The following SPECC1 variants were observed in gnomAD, a reference collection of about 807,000 sequenced individuals.
The protein encoded by SPECC1 is cytospin-B.
A neutral mutation model predicts 104.1 loss-of-function variants in SPECC1; 62 were observed. The ratio of observed to expected loss-of-function variants is 0.60; its 90% confidence interval spans 0.49 to 0.74. SPECC1 has a LOEUF of 0.74. SPECC1 is among the 30% of genes least tolerant of loss of function. The probability of loss-of-function intolerance (pLI) is 0.00; values close to 1 mark genes in which losing one functional copy is unlikely to be tolerated. For missense variants in SPECC1, 1,306 were observed against 1,310.5 expected, an observed-to-expected ratio of 1.00 and a Z score of 0.05; for synonymous variants, 513 against 501.6, an observed-to-expected ratio of 1.02 and a Z score of -0.30.
At chr17:20,213,106 C>CTT (rs201511187) in intron 4 of SPECC1, among the ~76,000 whole-genome samples, 1 of 150,222 alleles carries the variant, frequency 6.7e-6, no homozygotes, top group African/African-American at 2.4e-5. Context: ...TTTTTCTTTT[C>CTT]TTTTTTTTTG....
chr17:20,051,068 T>TTTTCTTTTTC (rs368969491), intron 1 of SPECC1, among the ~76,000 whole-genome samples: 63 of 90,774 alleles, frequency 6.9e-4, no homozygotes, highest in Non-Finnish European at 1.1e-3. Flanking sequence ...CTTTCTTTCT[T>TTTTCTTTTTC]TTTCTTTCTT....
intron 3 of SPECC1, among the ~76,000 whole-genome samples, chr17:20,177,181 C>G (rs756854671): frequency 6.6e-6 from 1 of 152,094 alleles, no homozygotes; most frequent in Non-Finnish European, 1.5e-5. Flanking sequence ...TAAAAAAAAT[C>G]CAGCAATTTT....
chr17:20,057,222 A>T (rs2045999290), intron 1 of SPECC1, among the ~76,000 whole-genome samples: 1 of 152,152 alleles, frequency 6.6e-6, no homozygotes, highest in Non-Finnish European at 1.5e-5. Context: ...CAGGTGGATC[A>T]CGAGGTCAGG....
intron 4 of SPECC1, among the ~76,000 whole-genome samples, chr17:20,209,735 A>C (rs769012363): frequency 1.8e-4 from 27 of 151,412 alleles, no homozygotes; most frequent in Non-Finnish European, 1.3e-4. Context: ...TCCTTGCCCT[A>C]GCTAGCAAGC....
chr17:20,125,167 G>A (rs1316733762), intron 3 of SPECC1, among the ~76,000 whole-genome samples: 2 of 151,416 alleles, frequency 1.3e-5, no homozygotes, highest in Admixed American at 6.6e-5. Flanking sequence ...GCGACAGAGC[G>A]AGACTCCATC....
At chr17:20,152,755 T>C (rs2032128261) in intron 3 of SPECC1, among the ~76,000 whole-genome samples, 1 of 152,184 alleles carries the variant, frequency 6.6e-6, no homozygotes, top group South Asian at 2.1e-4. Context: ...CACTGCAACC[T>C]CTGCCTCCCG....
In SPECC1 at chr17:20,186,854, G is replaced by T. The variant is rs1299435141; in HGVS notation, c.284-17479G>T. ...AGTGCTGGGATTATAGATCATAGGT[G>T]TGAGCCACTGAGCCTGGCCAATTTT... On this transcript the variant is annotated intron_variant, in intron 3 of 14. Transcript: ENST00000395527. 3.3e-5 allele frequency among the ~76,000 whole-genome samples: 5 copies of T among 152,262 alleles called. No homozygotes were observed. The South Asian group carries it at 1.0e-3, about 32-fold the overall frequency.
chr17:20,274,466 A>G (rs1006374155), intron 12 of SPECC1, among the ~76,000 whole-genome samples: 4 of 149,308 alleles, frequency 2.7e-5, no homozygotes, highest in African/African-American at 7.4e-5. Context: ...TAGGTAAACT[A>G]TTACACATAA....
intron 2 of SPECC1, among the ~76,000 whole-genome samples, chr17:20,109,225 A>G (rs1419971902): frequency 6.6e-6 from 1 of 152,256 alleles, no homozygotes; most frequent in Non-Finnish European, 1.5e-5. Context: ...CCAGTGGAGT[A>G]GGATGGAGCA....
chr17:20,270,011 A>G (rs1363454545), intron 12 of SPECC1, among the ~76,000 whole-genome samples: 2 of 152,160 alleles, frequency 1.3e-5, no homozygotes, highest in African/African-American at 4.8e-5. Flanking sequence ...TGGGTGCAAA[A>G]TCTACATCTT....
chr17:20,212,165 G>A (rs2037194219), intron 4 of SPECC1, among the ~76,000 whole-genome samples: 1 of 152,134 alleles, frequency 6.6e-6, no homozygotes, highest in Non-Finnish European at 1.5e-5. Flanking sequence ...CCTCTCCCTT[G>A]GTGGAGCAGC....
intron 1 of SPECC1, among the ~76,000 whole-genome samples, chr17:20,056,914 A>G (rs1230461727): frequency 2.0e-5 from 3 of 152,296 alleles, no homozygotes; most frequent in East Asian, 3.9e-4. Context: ...ATAGCCCAGG[A>G]CAAATTTCCA....
rs151274769 is a variant in SPECC1, at chr17:20,236,736, A to G, written c.2351+4331A>G. The G allele has an allele frequency of 1.5e-3, 1,882 of 1,289,428 alleles. 3 individuals carry two copies. The highest frequency in any genetic ancestry group is 6.4e-3 in the Middle Eastern group (34 of 5,316). The allele number at this position is 1,289,428 out of a possible 1,614,324, so 79.9% of individuals were successfully genotyped here. On this transcript the variant is annotated intron_variant, in intron 7 of 14. Transcript: ENST00000395527. ...AGTAGGACTTAAAATCTGTTGGCCT[A>G]TCCTGGACATTAGCTTTTCCCTGTG... is the stretch of plus-strand genomic sequence containing the variant.
At chr17:20,271,454 A>T (rs1249281124) in intron 12 of SPECC1, among the ~76,000 whole-genome samples, 2 of 151,988 alleles carry the variant, frequency 1.3e-5, no homozygotes, top group Middle Eastern at 3.2e-3. Context: ...GTAGTAGTAT[A>T]CACTGCTGCA....
intron 3 of SPECC1, among the ~76,000 whole-genome samples, chr17:20,119,706 A>T (rs982313962): frequency 6.6e-6 from 1 of 152,240 alleles, no homozygotes; most frequent in African/African-American, 2.4e-5. Context: ...TGTCTGTTGC[A>T]GGTGTTATCA....
intron 3 of SPECC1, among the ~76,000 whole-genome samples, chr17:20,189,269 C>G (rs958501584): frequency 5.9e-5 from 9 of 152,248 alleles, no homozygotes; most frequent in Middle Eastern, 3.4e-3. Context: ...GATTTCTGTT[C>G]AGAGGTGCCA....
chr17:20,185,764 G>A (rs2035228885), intron 3 of SPECC1, among the ~76,000 whole-genome samples: 2 of 152,156 alleles, frequency 1.3e-5, no homozygotes, highest in South Asian at 2.1e-4. Context: ...CAGATTGATG[G>A]TCCCATGAAC....
At chr17:20,151,472 A>G (rs1166227707) in intron 3 of SPECC1, among the ~76,000 whole-genome samples, 1 of 152,212 alleles carries the variant, frequency 6.6e-6, no homozygotes, top group East Asian at 1.9e-4. Flanking sequence ...ATTGGGACGT[A>G]ACCCATCATA....
At chr17:20,101,642 G>A (rs2047949618) in intron 2 of SPECC1, among the ~76,000 whole-genome samples, 1 of 152,214 alleles carries the variant, frequency 6.6e-6, no homozygotes, top group African/African-American at 2.4e-5. Context: ...AGTGTCATTT[G>A]CGAGGCCCAG....
Sources: gnomAD v4.1 joint callset for allele counts (sites outside exome capture counted in the v4.1 genomes callset) on GRCh38, gnomAD v4.1.1 for gene constraint, MANE v1.5 for transcripts, NCBI Gene and HGNC (gene_info 2026-07-23, HGNC 2026-07-21) for gene names.